TRABD2A: variants seen among roughly 807,000 people sequenced by gnomAD.
TRABD2A encodes metalloprotease TIKI1.
In TRABD2A, 43 loss-of-function variants were observed where a neutral mutation model predicts 45.6. The ratio of observed to expected loss-of-function variants is 0.94; its 90% CI spans 0.74 to 1.22. TRABD2A has a LOEUF of 1.22. TRABD2A is among the 50% of genes most tolerant of loss of function. TRABD2A has a pLI of 0.00. For missense variants in TRABD2A, 642 were observed against 652.4 expected, an observed-to-expected ratio of 0.98 and a Z score of 0.17; for synonymous variants, 269 against 265.0, an observed-to-expected ratio of 1.02 and a Z score of -0.15.
Position 84,821,886 on chromosome 2 carries a change from G to A in TRABD2A, c.*31C>T, listed in dbSNP as rs1681009802. 1 of 1,532,002 alleles carries A rather than the reference G, an allele frequency of 6.5e-7. No homozygotes were observed. The highest frequency in any genetic ancestry group is 1.3e-5 in the South Asian group (1 of 76,930). 94.9% of individuals were successfully genotyped at this position (1,532,002 alleles called of 1,614,324 possible). ...GAATGGCCATTCTTCAAGTCCGAGG[G>A]GTCAGGTTCTTAGCCTGGTGCTTCC... On this transcript the variant is annotated 3_prime_UTR_variant, in exon 7 of 7. Transcript: ENST00000409520.
chr2:84,840,354 C>T (rs1353654554), intron 3 of TRABD2A, among the ~76,000 whole-genome samples: 1 of 152,038 alleles, frequency 6.6e-6, no homozygotes, highest in African/African-American at 2.4e-5. Context: ...TCAGCAGAGC[C>T]CCCCTCTCTA....
chr2:84,864,338 G>T (rs1682600773), intron 2 of TRABD2A, among the ~76,000 whole-genome samples: 1 of 151,964 alleles, frequency 6.6e-6, no homozygotes, highest in Non-Finnish European at 1.5e-5. Flanking sequence ...TCAACTGCAG[G>T]CTTTTTGCAA....
intron 2 of TRABD2A, among the ~76,000 whole-genome samples, chr2:84,844,364 C>A (rs1400387109): frequency 6.6e-6 from 1 of 152,152 alleles, no homozygotes; most frequent in Non-Finnish European, 1.5e-5. Flanking sequence ...TGCCTTCCAC[C>A]ATGTAAGACA....
At chr2:84,877,122 G>A (rs1316174102) in intron 1 of TRABD2A, among the ~76,000 whole-genome samples, 2 of 152,072 alleles carry the variant, frequency 1.3e-5, no homozygotes, top group Non-Finnish European at 2.9e-5. Context: ...CACTGATCCT[G>A]CCCTACCAGA....
chr2:84,881,044 CTCAA>C lies in TRABD2A; in HGVS notation c.-9_-6del. The C allele has an allele frequency of 3.1e-6, 5 of 1,592,992 alleles. No individual in the cohort carries two copies. Among genetic ancestry groups the C allele is most frequent in the Non-Finnish European group, 4.3e-6 (5 of 1,170,872 alleles). On this transcript the variant is annotated 5_prime_UTR_variant, in exon 1 of 7. Transcript: ENST00000409520. ...GAACCAGCTCCAGGGACTCATCCTCCTCAAGGCGGCTCCGAGGCCCGGAACGCGG... is the reference window on the plus strand; with the variant it reads ...GAACCAGCTCCAGGGACTCATCCTCCGGCGGCTCCGAGGCCCGGAACGCGG...
At chr2:84,880,880 T>A in intron 1 of TRABD2A, 52 bp downstream of exon 1, 1 of 1,551,124 alleles carries the variant, frequency 6.4e-7, no homozygotes, top group Admixed American at 2.0e-5. Context: ...AGGGAAACCA[T>A]CCCAAGGAGG....
intron 2 of TRABD2A, among the ~76,000 whole-genome samples, chr2:84,844,336 C>G (rs968177286): frequency 2.0e-5 from 3 of 152,120 alleles, no homozygotes; most frequent in Non-Finnish European, 4.4e-5. Flanking sequence ...AAGGGGAGTT[C>G]CCCTGCACAC....
chr2:84,824,973 T>C (rs1573913946), intron 5 of TRABD2A, among the ~76,000 whole-genome samples: 2 of 152,318 alleles, frequency 1.3e-5, no homozygotes, highest in South Asian at 4.1e-4. Context: ...CAAATACTTC[T>C]TTGAGTGAAG....
chr2:84,879,482 C>A (rs1683133033), intron 1 of TRABD2A: 1 of 555,686 alleles, frequency 1.8e-6, no homozygotes, highest in South Asian at 8.0e-5. Context: ...TGCCGGGCTT[C>A]TTTGATAATT....
chr2:84,861,482 G>A (rs1009699425), intron 2 of TRABD2A, among the ~76,000 whole-genome samples: 5 of 152,142 alleles, frequency 3.3e-5, no homozygotes, highest in African/African-American at 1.2e-4. Flanking sequence ...AGAATCTAAT[G>A]CTGCCACTGA....
chr2:84,824,124 G>A lies in TRABD2A; in HGVS notation c.1163C>T (p.Ala388Val). 2 of 1,613,988 alleles carry A rather than the reference G, an allele frequency of 1.2e-6. No individual in the cohort carries two copies. The highest frequency in any genetic ancestry group is 1.1e-5 in the South Asian group (1 of 91,074). Residue 388 changes from alanine to valine, a missense_variant, in exon 6 of 7, where the codon GCA becomes GTA. Transcript: ENST00000409520. ...APKVPTLEVP[A>V]PEAVSSGHST... ...GTGCCCTGAGGATACGGCTTCTGGT[G>A]CCGGTACTTCCAGGGTAGGGACTTT...
Position 84,822,033 on chromosome 2 carries a change from G to A in TRABD2A, c.1402C>T (p.Arg468Cys), listed in dbSNP as rs770565102. Residue 468 changes from arginine (R) to cysteine (C), a missense_variant, in exon 7 of 7, where the codon CGC (arginine) becomes TGC (cysteine). By Grantham distance (180) the Arg-to-Cys change is radical. Coordinates refer to ENST00000409520, the MANE Select transcript of TRABD2A (RefSeq NM_001277053.2). ...RHISTELRLP[R>C]RGHSHHSQMV... ...TGGCTGTGGTGGGAATGCCCACGGC[G>A]AGGGAGCCGCAGTTCAGTGGAGATG... is the stretch of plus-strand genomic sequence containing the variant. 59 of 1,592,488 alleles carry A rather than the reference G, an allele frequency of 3.7e-5. 1 individual carries two copies. The highest frequency in any genetic ancestry group is 1.9e-4 in the Admixed American group (11 of 56,506).
At chr2:84,824,396 C>G (rs1681092407) in intron 5 of TRABD2A, among the ~76,000 whole-genome samples, 192 bp from the exon 6 acceptor site, 1 of 151,910 alleles carries the variant, frequency 6.6e-6, no homozygotes. Context: ...CTTTTTTTTC[C>G]CCTCAGATAT....
At chr2:84,855,708 C>A (rs1682275133) in intron 2 of TRABD2A, among the ~76,000 whole-genome samples, 1 of 152,002 alleles carries the variant, frequency 6.6e-6, no homozygotes, top group South Asian at 2.1e-4. Context: ...TCTTTCTGGG[C>A]TGTGGAAAGA....
chr2:84,835,575 A>G (rs529529053), intron 4 of TRABD2A: 26 of 152,250 alleles, frequency 1.7e-4, no homozygotes, highest in African/African-American at 6.0e-4. Context: ...CACTATGCCT[A>G]GCTAAATTTT....
Position 84,870,629 on chromosome 2 carries a change from C to A in TRABD2A, c.265G>T (p.Asp89Tyr). 6.2e-7 allele frequency: 1 copy of A among 1,612,836 alleles called. No individual in the cohort carries two copies. The highest frequency in any genetic ancestry group is 1.3e-5 in the African/African-American group (1 of 74,972). ...LQSSIVYFEL[D>Y]LTDPYTISAL... ...GAGATGGTATAGGGGTCTGTGAGAT[C>A]CAACTCAAAGTACACAATGCTGCTC... Residue 89 changes from aspartate (D) to tyrosine (Y), a missense_variant, in exon 2 of 7, where the codon GAT (aspartate) becomes TAT (tyrosine). Transcript: ENST00000409520.
intron 4 of TRABD2A, chr2:84,837,895 C>T (rs187219418): frequency 4.5e-5 from 12 of 266,110 alleles, no homozygotes; most frequent in Admixed American, 1.5e-4. Flanking sequence ...TTCTATACCC[C>T]CTATGGGATT....
intron 4 of TRABD2A, chr2:84,832,676 T>G (rs1681377827): frequency 6.5e-6 from 1 of 153,332 alleles, no homozygotes; most frequent in South Asian, 2.0e-4. Flanking sequence ...GGCAGGCACC[T>G]GTAATCCCAG....
intron 3 of TRABD2A, among the ~76,000 whole-genome samples, chr2:84,839,653 A>T (rs1363255524): frequency 6.6e-6 from 1 of 152,120 alleles, no homozygotes; most frequent in Non-Finnish European, 1.5e-5. Flanking sequence ...CCATAGTTTT[A>T]ACTTGTGTGA....
Sources: gnomAD v4.1 joint callset for allele counts (sites outside exome capture counted in the v4.1 genomes callset) on GRCh38, gnomAD v4.1.1 for gene constraint, MANE v1.5 for transcripts, NCBI Gene and HGNC (gene_info 2026-07-23, HGNC 2026-07-21) for gene names.